GRID1: variants seen among roughly 807,000 people sequenced by gnomAD.
The protein encoded by GRID1 is glutamate receptor ionotropic, delta-1.
Under a neutral mutation model 98.0 loss-of-function variants are expected in GRID1, and 28 were observed. That is an observed-to-expected ratio of 0.29 (90% CI 0.21 to 0.39). The LOEUF is 0.39. Among genes scored for constraint, GRID1 ranks in the 10% least tolerant of loss-of-function variants. The pLI is 1.00. For synonymous variants in GRID1, 553 were observed against 538.5 expected (o/e 1.03, Z -0.37); for missense variants, 1,111 against 1,340.5 (o/e 0.83, Z 2.67).
At chr10:86,202,385 A>C (rs1845966941) in intron 3 of GRID1, among the ~76,000 whole-genome samples, 1 of 152,256 alleles carries the variant, frequency 6.6e-6, no homozygotes. Flanking sequence ...AAATTTATTC[A>C]CTAGAGGGAA....
At chr10:86,238,769 C>A (rs1015351598) in intron 2 of GRID1, among the ~76,000 whole-genome samples, 2 of 151,572 alleles carry the variant, frequency 1.3e-5, no homozygotes, top group African/African-American at 4.9e-5. Context: ...AGGTGTTAAA[C>A]CTGCAGGTGT....
rs552427354 is a variant in GRID1, at chr10:85,843,240, GA to G, written c.1233+11255del. 2.4e-3 allele frequency among the ~76,000 whole-genome samples: 352 copies of G among 149,046 alleles called. 1 individual carries two copies. Among genetic ancestry groups the G allele is most frequent in the African/African-American group, 8.3e-3 (337 of 40,694 alleles). ...GATGAGGCAATTGGATACCTATAGG[GA>G]AAAAAAAATGAACTTCAACCTAAAC... is the stretch of plus-strand genomic sequence containing the variant. On this transcript the variant is annotated intron_variant, in intron 8 of 15. Coordinates refer to ENST00000327946, the MANE Select transcript of GRID1 (RefSeq NM_017551.3).
chr10:85,958,291 C>T (rs981787080), intron 4 of GRID1, among the ~76,000 whole-genome samples: 2 of 152,236 alleles, frequency 1.3e-5, no homozygotes, highest in Non-Finnish European at 2.9e-5. Flanking sequence ...CTACCTGCCC[C>T]TCACCCACAG....
intron 2 of GRID1, among the ~76,000 whole-genome samples, chr10:86,291,448 C>T (rs983277739): frequency 5.9e-5 from 9 of 152,166 alleles, no homozygotes; most frequent in African/African-American, 1.9e-4. Flanking sequence ...GACTCCCCAA[C>T]CCCGGGCAGT....
intron 2 of GRID1, among the ~76,000 whole-genome samples, chr10:86,257,044 T>G (rs1846931587): frequency 6.6e-6 from 1 of 152,346 alleles, no homozygotes; most frequent in East Asian, 1.9e-4. Flanking sequence ...TGCTTCCCTG[T>G]CCCTGCTGGG....
At chr10:85,834,089 A>G (rs901022737) in intron 8 of GRID1, among the ~76,000 whole-genome samples, 1 of 152,220 alleles carries the variant, frequency 6.6e-6, no homozygotes, top group African/African-American at 2.4e-5. Flanking sequence ...AATAATGATT[A>G]GCAGTTTGAC....
intron 4 of GRID1, among the ~76,000 whole-genome samples, chr10:86,013,335 C>T (rs1304246730): frequency 6.6e-6 from 1 of 152,184 alleles, no homozygotes; most frequent in African/African-American, 2.4e-5. Flanking sequence ...TCCTCATTAA[C>T]TATTTGAAAG....
chr10:86,148,934 A>G (rs1845123619), intron 3 of GRID1, among the ~76,000 whole-genome samples: 1 of 152,044 alleles, frequency 6.6e-6, no homozygotes, highest in South Asian at 2.1e-4. Context: ...AGCAGAGCCA[A>G]CCCCACCTTC....
intron 2 of GRID1, among the ~76,000 whole-genome samples, chr10:86,248,832 C>A (rs1846775440): frequency 6.6e-6 from 1 of 152,164 alleles, no homozygotes; most frequent in Admixed American, 6.5e-5. Flanking sequence ...CTTGGCCTCC[C>A]AAAGTGTTAG....
chr10:86,279,455 A>G (rs1847323939), intron 2 of GRID1, among the ~76,000 whole-genome samples: 2 of 152,240 alleles, frequency 1.3e-5, no homozygotes. Context: ...TTAACATTTA[A>G]CTTAACATTT....
chr10:86,129,427 T>C (rs1844802390), intron 4 of GRID1, among the ~76,000 whole-genome samples: 1 of 152,192 alleles, frequency 6.6e-6, no homozygotes, highest in Admixed American at 6.5e-5. Flanking sequence ...ATAGCCCAGC[T>C]CTGTCATTTT....
chr10:85,949,264 AT>A (rs1213790359), intron 4 of GRID1, among the ~76,000 whole-genome samples: 4 of 152,186 alleles, frequency 2.6e-5, no homozygotes, highest in Admixed American at 2.0e-4. Context: ...ATTCCTTTTT[AT>A]TCCCCAATCT....
At chr10:86,013,821 T>C (rs920244485) in intron 4 of GRID1, among the ~76,000 whole-genome samples, 19 of 152,196 alleles carry the variant, frequency 1.2e-4, no homozygotes, top group Non-Finnish European at 7.3e-5. Flanking sequence ...ATAAGATACG[T>C]GTATATATGG....
At chr10:85,715,011 A>T (rs1841623042) in intron 12 of GRID1, among the ~76,000 whole-genome samples, 1 of 152,194 alleles carries the variant, frequency 6.6e-6, no homozygotes, top group Non-Finnish European at 1.5e-5. Flanking sequence ...TATAGTAATT[A>T]AAACAATATA....
chr10:86,097,938 A>T (rs1451275585), intron 4 of GRID1, among the ~76,000 whole-genome samples: 1 of 152,284 alleles, frequency 6.6e-6, no homozygotes, highest in Non-Finnish European at 1.5e-5. Flanking sequence ...GAAACAAAAA[A>T]AAATTCCAGA....
intron 12 of GRID1, 184 bp from the exon 13 acceptor site, chr10:85,647,581 C>T: frequency 1.7e-6 from 1 of 588,622 alleles, no homozygotes; most frequent in Non-Finnish European, 3.0e-6. Flanking sequence ...GCGCCTCATT[C>T]AATTACAGGT....
At chr10:86,363,464 G>T (rs1271102932) in intron 2 of GRID1, among the ~76,000 whole-genome samples, 1 of 152,232 alleles carries the variant, frequency 6.6e-6, no homozygotes, top group African/African-American at 2.4e-5. Flanking sequence ...CGCCTACCAG[G>T]TTATGCCCGG....
intron 8 of GRID1, among the ~76,000 whole-genome samples, chr10:85,829,692 C>T (rs1002440955): frequency 3.4e-4 from 52 of 152,084 alleles, no homozygotes; most frequent in Non-Finnish European, 1.6e-4. Context: ...AACACAATTC[C>T]ATTCAAAATA....
intron 5 of GRID1, among the ~76,000 whole-genome samples, chr10:85,890,736 G>T (rs1051039687): frequency 6.6e-6 from 1 of 152,034 alleles, no homozygotes; most frequent in African/African-American, 2.4e-5. Flanking sequence ...GAAGGAAGAA[G>T]GGAAGGGAAG....
Sources: allele counts gnomAD v4.1 joint callset (sites outside exome capture counted in the v4.1 genomes callset), GRCh38; gene constraint gnomAD v4.1.1; transcripts MANE v1.5; gene names NCBI Gene and HGNC (gene_info 2026-07-23, HGNC 2026-07-21).